Variants in LHFPL3 observed in about 807,000 individuals in gnomAD.
LHFPL3 encodes LHFPL tetraspan subfamily member 3 protein.
In LHFPL3, 5 loss-of-function variants were observed where a neutral mutation model predicts 19.3. The observed-to-expected ratio is 0.26, with a 90% CI of 0.14 to 0.54. The LOEUF is 0.54. Among genes scored for constraint, LHFPL3 ranks in the 20% least tolerant of loss-of-function variants. The probability of loss-of-function intolerance (pLI) is 0.94; values close to 1 mark genes in which losing one functional copy is unlikely to be tolerated. For synonymous variants in LHFPL3, 133 were observed against 126.2 expected (o/e 1.05, Z -0.36); for missense variants, 249 against 307.4 (o/e 0.81, Z 1.42).
chr7:104,588,333 A>G (rs1453774870), intron 1 of LHFPL3, among the ~76,000 whole-genome samples: 1 of 152,160 alleles, frequency 6.6e-6, no homozygotes, highest in Non-Finnish European at 1.5e-5. Flanking sequence ...CTTCCTACAT[A>G]TGGCTAGCCA....
intron 1 of LHFPL3, among the ~76,000 whole-genome samples, chr7:104,626,919 A>G (rs1161577569): frequency 6.6e-6 from 1 of 152,166 alleles, no homozygotes; most frequent in African/African-American, 2.4e-5. Flanking sequence ...ATATATATAG[A>G]CCTTGTGGAG....
chr7:104,376,477 G>T (rs543302438), intron 1 of LHFPL3, among the ~76,000 whole-genome samples: 23 of 152,330 alleles, frequency 1.5e-4, no homozygotes, highest in Non-Finnish European at 2.8e-4. Context: ...CATGTCCCCA[G>T]TAGGGGTGAG....
rs4730045 is a variant in LHFPL3 at position 104,778,862 on chromosome 7, C to T, written c.682+41951C>T. ...GAGATAATGATAACAGAGCTAATGT[C>T]AGAGAGATGTCAGAAGGGTTCAGTT... is the stretch of plus-strand genomic sequence containing the variant. On this transcript the variant is annotated intron_variant, in intron 2 of 2. Coordinates refer to ENST00000424859, the MANE Select transcript of LHFPL3 (RefSeq NM_199000.3). Among the ~76,000 whole-genome samples, 2,988 of 152,282 alleles carry T rather than the reference C, an allele frequency of 0.02. 243 individuals carry two copies. In the East Asian group the frequency reaches 0.26, roughly 13 times the overall value.
At chr7:104,455,169 C>T (rs17137736) in intron 1 of LHFPL3, among the ~76,000 whole-genome samples, 3,943 of 152,150 alleles carry the variant, frequency 0.026, 156 homozygotes, top group African/African-American at 0.09. Context: ...CCCTGTTCGC[C>T]AAAAATGGAT....
At chr7:104,871,211 A>G (rs139778066) in intron 2 of LHFPL3, among the ~76,000 whole-genome samples, 1,646 of 152,344 alleles carry the variant, frequency 0.011, 35 homozygotes, top group African/African-American at 0.038. Flanking sequence ...GGTATAGCCT[A>G]TTGCTCCTAG....
intron 1 of LHFPL3, among the ~76,000 whole-genome samples, chr7:104,517,275 A>G (rs1422580418): frequency 1.3e-5 from 2 of 152,162 alleles, no homozygotes; most frequent in Non-Finnish European, 2.9e-5. Flanking sequence ...AAACCTGCAC[A>G]TGTACCCCAA....
chr7:104,385,571 C>T (rs1790923305), intron 1 of LHFPL3, among the ~76,000 whole-genome samples: 1 of 152,162 alleles, frequency 6.6e-6, no homozygotes, highest in African/African-American at 2.4e-5. Flanking sequence ...CAATCTGTCT[C>T]TCTTGGTGAC....
chr7:104,605,671 A>G (rs1163585864), intron 1 of LHFPL3, among the ~76,000 whole-genome samples: 3 of 152,246 alleles, frequency 2.0e-5, no homozygotes, highest in Non-Finnish European at 2.9e-5. Flanking sequence ...TGTTTCTCAT[A>G]AAAGCATTTT....
chr7:104,365,797 A>G (rs200099335), intron 1 of LHFPL3, among the ~76,000 whole-genome samples: 16 of 125,956 alleles, frequency 1.3e-4, no homozygotes, highest in East Asian at 5.1e-4. Context: ...CAAAAAAAAA[A>G]AAAAAAAAGA....
intron 1 of LHFPL3, among the ~76,000 whole-genome samples, chr7:104,673,916 T>A (rs927778923): frequency 6.6e-6 from 1 of 152,154 alleles, no homozygotes; most frequent in Admixed American, 6.5e-5. Context: ...TCTGCATAGT[T>A]CATCAAATGA....
intron 1 of LHFPL3, among the ~76,000 whole-genome samples, chr7:104,658,135 G>C (rs1792153135): frequency 6.6e-6 from 1 of 152,146 alleles, no homozygotes; most frequent in Non-Finnish European, 1.5e-5. Flanking sequence ...AGAATTGCTT[G>C]GTATTTAATG....
intron 1 of LHFPL3, among the ~76,000 whole-genome samples, chr7:104,626,869 T>C (rs1250547034): frequency 6.6e-6 from 1 of 152,206 alleles, no homozygotes; most frequent in Non-Finnish European, 1.5e-5. Context: ...TTTTTCTCAA[T>C]TGATGAATAC....
intron 1 of LHFPL3, chr7:104,668,442 C>A (rs571074167): frequency 1.9e-6 from 3 of 1,608,916 alleles, no homozygotes; most frequent in Non-Finnish European, 2.6e-6. Context: ...TGATTCAGAC[C>A]GGTATCGGGA....
intron 2 of LHFPL3, among the ~76,000 whole-genome samples, chr7:104,871,992 GT>G (rs1273569440): frequency 3.3e-5 from 5 of 151,348 alleles, no homozygotes; most frequent in South Asian, 4.2e-4. Context: ...TATTCAACAG[GT>G]TTTTTCTCTA....
rs115833964 is a variant in LHFPL3, at chr7:104,393,836, G to T, written c.445+64612G>T. 6.5e-3 allele frequency among the ~76,000 whole-genome samples: 991 copies of T among 152,326 alleles called. 11 individuals carry two copies. The highest frequency in any genetic ancestry group is 0.023 in the African/African-American group (945 of 41,578). On this transcript the variant is annotated intron_variant, in intron 1 of 2. Transcript: ENST00000424859. ...ATTGAAAATATTGTGCTGAGTGAAAGAAGCTAGTCACAAAAGACCACATAT... is the reference window on the plus strand; with the variant it reads ...ATTGAAAATATTGTGCTGAGTGAAATAAGCTAGTCACAAAAGACCACATAT...
intron 1 of LHFPL3, among the ~76,000 whole-genome samples, chr7:104,591,245 C>T (rs1051842515): frequency 3.9e-5 from 6 of 152,188 alleles, no homozygotes; most frequent in Non-Finnish European, 5.9e-5. Context: ...TTTGCAGTGG[C>T]TGGGACCAGT....
chr7:104,338,843 C>A (rs186023317), intron 1 of LHFPL3, among the ~76,000 whole-genome samples: 1 of 152,236 alleles, frequency 6.6e-6, no homozygotes, highest in African/African-American at 2.4e-5. Context: ...GCTTAAAAAC[C>A]ATTTAACAAA....
chr7:104,469,936 A>G (rs1792874502), intron 1 of LHFPL3: 15 of 453,694 alleles, frequency 3.3e-5, no homozygotes, highest in South Asian at 2.2e-4. Context: ...GCACAGTTAT[A>G]GCACAATCAT....
At chr7:104,396,103 T>C (rs183557249) in intron 1 of LHFPL3, among the ~76,000 whole-genome samples, 96 of 152,270 alleles carry the variant, frequency 6.3e-4, no homozygotes, top group African/African-American at 2.2e-3. Flanking sequence ...TGGGTTCACA[T>C]GGTAGAAAAG....
Sources: gnomAD v4.1 joint callset for allele counts (sites outside exome capture counted in the v4.1 genomes callset) on GRCh38, gnomAD v4.1.1 for gene constraint, MANE v1.5 for transcripts, NCBI Gene and HGNC (gene_info 2026-07-23, HGNC 2026-07-21) for gene names.